The following DNAH5 variants were observed in gnomAD, a reference collection of about 807,000 sequenced individuals.
The protein encoded by DNAH5 is dynein axonemal heavy chain 5, also known as axonemal beta dynein heavy chain 5.
A neutral mutation model predicts 518.2 loss-of-function variants in DNAH5; 372 were observed. That is an observed-to-expected ratio of 0.72 (90% confidence interval 0.66 to 0.78). DNAH5 has a LOEUF of 0.78. Ranked by LOEUF, DNAH5 falls within the 30% of genes least tolerant of loss-of-function variation. The probability of loss-of-function intolerance (pLI) is 0.00; values close to 1 mark genes in which losing one functional copy is unlikely to be tolerated. For missense variants in DNAH5, 5,523 were observed against 5,687.0 expected, an observed-to-expected ratio of 0.97 and a Z score of 0.93; for synonymous variants, 2,039 against 2,025.9, an observed-to-expected ratio of 1.01 and a Z score of -0.17.
intron 75 of DNAH5, among the ~76,000 whole-genome samples, chr5:13,712,101 T>C (rs1465701807): frequency 2.0e-5 from 3 of 152,070 alleles, no homozygotes; most frequent in Non-Finnish European, 4.4e-5. Context: ...TCATACAACA[T>C]GGTACTGGTA....
In DNAH5 at chr5:13,902,033, C is replaced by G; in HGVS notation, c.1730+20G>C. 6.7e-7 allele frequency: 1 copy of G among 1,499,218 alleles called. No homozygotes were observed. The allele number at this position is 1,499,218 out of a possible 1,614,324, so 92.9% of individuals were successfully genotyped here. A position where few individuals can be genotyped will look rare whatever the true frequency, so the allele number is the denominator to read the frequency against. Reference sequence around the variant, plus strand: ...AACTATCCCAATTTTAGAAAATAGACAATTTCTTGAAAATTTTACCTTTCA... The same window carrying G: ...AACTATCCCAATTTTAGAAAATAGAGAATTTCTTGAAAATTTTACCTTTCA... On this transcript the variant is annotated intron_variant, in intron 13 of 78. Coordinates refer to ENST00000265104, the MANE Select transcript of DNAH5 (RefSeq NM_001369.3).
chr5:13,818,685 T>C (rs188669676), intron 41 of DNAH5, among the ~76,000 whole-genome samples: 1 of 152,334 alleles, frequency 6.6e-6, no homozygotes, highest in East Asian at 1.9e-4. Flanking sequence ...ACCTTCCTTA[T>C]AGCAATTCCC....
In DNAH5 at chr5:13,776,481, T is replaced by C. The variant is rs1378748400; in HGVS notation, c.9331A>G (p.Ile3111Val). Residue 3111 changes from isoleucine to valine, a missense_variant, in exon 55 of 79, where the codon ATT becomes GTT. Physicochemically the swap from Ile to Val is conservative, Grantham distance 29 (BLOSUM62 3). This residue lies in a region of DNAH5 where 5,121 missense variants were observed against 5,223.3 expected (regional missense o/e 0.98). Coordinates refer to ENST00000265104, the MANE Select transcript of DNAH5 (RefSeq NM_001369.3). ...TTGGGCCATCGGCTGAACCAGTCAATTGTGCATCCTGAAATTAGGGCAGGG... is the reference window on the plus strand; with the variant it reads ...TTGGGCCATCGGCTGAACCAGTCAACTGTGCATCCTGAAATTAGGGCAGGG... ...KFPALISGCT[I>V]DWFSRWPKDA... is the part of the protein sequence containing the mutation. 6.2e-7 allele frequency: 1 copy of C among 1,613,840 alleles called. No homozygotes were observed.
chr5:13,891,591 C>T (rs1415809561), intron 16 of DNAH5, among the ~76,000 whole-genome samples: 2 of 152,166 alleles, frequency 1.3e-5, no homozygotes, highest in African/African-American at 4.8e-5. Flanking sequence ...AGTGGTCCCT[C>T]CTCCTGTAAA....
chr5:13,824,538 C>T (rs529214254), intron 38 of DNAH5, among the ~76,000 whole-genome samples: 1 of 152,282 alleles, frequency 6.6e-6, no homozygotes, highest in Non-Finnish European at 1.5e-5. Flanking sequence ...CTCCCATGTG[C>T]CATCATTAGC....
At chr5:13,846,525 G>A (rs995856424) in intron 31 of DNAH5, among the ~76,000 whole-genome samples, 3 of 152,126 alleles carry the variant, frequency 2.0e-5, no homozygotes, top group Non-Finnish European at 2.9e-5. Flanking sequence ...TGCTGGACTC[G>A]TTTTGCTGAG....
At chr5:13,922,456 G>A (rs182387397) in intron 4 of DNAH5, 128 bp from the exon 5 acceptor site, 152 of 987,316 alleles carry the variant, frequency 1.5e-4, no homozygotes, top group Non-Finnish European at 2.2e-5. Flanking sequence ...GCCAGGTGTG[G>A]TGGCTCACAC....
At chr5:13,967,191 T>C (rs989482432) in intron 1 of DNAH5, among the ~76,000 whole-genome samples, 3 of 152,178 alleles carry the variant, frequency 2.0e-5, no homozygotes, top group Admixed American at 6.5e-5. Context: ...TTAAGTCCCA[T>C]TTATTTATCT....
intron 1 of DNAH5, among the ~76,000 whole-genome samples, chr5:13,976,408 G>A (rs1397587699): frequency 2.0e-5 from 3 of 152,108 alleles, no homozygotes; most frequent in African/African-American, 7.2e-5. Context: ...CAGCCAGGAG[G>A]TGAATCATCC....
chr5:13,921,649 G>A (rs1014939206), intron 5 of DNAH5, among the ~76,000 whole-genome samples: 3 of 151,384 alleles, frequency 2.0e-5, no homozygotes, highest in Non-Finnish European at 4.4e-5. Flanking sequence ...ATCATTGGCT[G>A]AATCACAGGA....
upstream of DNAH5, among the ~76,000 whole-genome samples, chr5:13,946,234 C>T (rs150888764): frequency 6.6e-6 from 1 of 152,188 alleles, no homozygotes; most frequent in African/African-American, 2.4e-5. Context: ...TACAACGCAT[C>T]GCTTGGGGAG....
intron 75 of DNAH5, among the ~76,000 whole-genome samples, chr5:13,712,946 T>C (rs1743698563): frequency 6.6e-6 from 1 of 151,962 alleles, no homozygotes; most frequent in African/African-American, 2.4e-5. Context: ...TACCATTTGA[T>C]CCAGCAATCC....
intron 10 of DNAH5, 73 bp from the exon 11 acceptor site, chr5:13,914,031 G>C (rs532300579): frequency 6.5e-7 from 1 of 1,537,476 alleles, no homozygotes; most frequent in Non-Finnish European, 8.8e-7. Flanking sequence ...AAGTGAAGGC[G>C]ACAGCAAAAT....
intron 65 of DNAH5, among the ~76,000 whole-genome samples, chr5:13,745,315 T>G (rs1749179340): frequency 6.6e-6 from 1 of 152,054 alleles, no homozygotes; most frequent in Non-Finnish European, 1.5e-5. Context: ...AATGTCCAAA[T>G]CTACTCACAG....
chr5:13,714,712 G>A lies in DNAH5; in HGVS notation c.12910-92C>T. On this transcript the variant is annotated intron_variant, in intron 74 of 78. Coordinates refer to ENST00000265104, the MANE Select transcript of DNAH5 (RefSeq NM_001369.3). ...TAGGAAACAAAAATGCTTCTATGAG[G>A]GTATGCATTTACTTAAGTCTTATTG... is the stretch of plus-strand genomic sequence containing the variant. The A allele has an allele frequency of 4.9e-6, 6 of 1,213,256 alleles. No individual in the cohort carries two copies. In the South Asian group the frequency reaches 6.4e-5, roughly 13 times the overall value. 75.2% of individuals were successfully genotyped at this position (1,213,256 alleles called of 1,614,324 possible).
chr5:13,964,461 A>G (rs1017170754), intron 1 of DNAH5, among the ~76,000 whole-genome samples: 12 of 152,226 alleles, frequency 7.9e-5, no homozygotes, highest in African/African-American at 2.9e-4. Flanking sequence ...CAGGAGGATC[A>G]GGCTCAGAAA....
chr5:13,892,034 G>A (rs1296152419), intron 16 of DNAH5, among the ~76,000 whole-genome samples: 2 of 152,100 alleles, frequency 1.3e-5, no homozygotes, highest in Admixed American at 6.5e-5. Context: ...ACATACCAAC[G>A]CTGTATCGGA....
chr5:14,011,581 G>C (rs1215607692), intron 1 of DNAH5, among the ~76,000 whole-genome samples: 1 of 152,056 alleles, frequency 6.6e-6, no homozygotes, highest in African/African-American at 2.4e-5. Flanking sequence ...CGGGCCGCTC[G>C]GCCGCGCATG....
At chr5:13,719,380 C>T (rs1458812647) in intron 71 of DNAH5, among the ~76,000 whole-genome samples, 2 of 152,054 alleles carry the variant, frequency 1.3e-5, no homozygotes, top group Non-Finnish European at 2.9e-5. Context: ...AAAGGACTTC[C>T]AAGTAAAGAT....
Sources: gnomAD v4.1 joint callset for allele counts (sites outside exome capture counted in the v4.1 genomes callset) on GRCh38, gnomAD v4.1.1 for gene constraint, gnomAD v4.1.1 regional missense constraint, MANE v1.5 for transcripts, NCBI Gene and HGNC (gene_info 2026-07-23, HGNC 2026-07-21) for gene names.